The following AASDHPPT variants were observed in gnomAD, a reference collection of about 807,000 sequenced individuals.
AASDHPPT encodes L-aminoadipate-semialdehyde dehydrogenase-phosphopantetheinyl transferase.
AASDHPPT carries 23 observed loss-of-function variants against 36.4 expected under a neutral mutation model. The observed-to-expected ratio is 0.63, with a 90% CI of 0.45 to 0.89. AASDHPPT has a LOEUF of 0.89. Ranked by LOEUF, AASDHPPT falls within the 40% of genes least tolerant of loss-of-function variation. AASDHPPT has a pLI of 0.00. For synonymous variants in AASDHPPT, 115 were observed against 128.0 expected (o/e 0.90, Z 0.68); for missense variants, 377 against 378.2 (o/e 1.00, Z 0.03).
chr11:106,078,269 C>T (rs1861087200), intron 1 of AASDHPPT, among the ~76,000 whole-genome samples: 1 of 152,038 alleles, frequency 6.6e-6, no homozygotes, highest in Non-Finnish European at 1.5e-5. Flanking sequence ...CGTTCATAGC[C>T]TATGCTTATT....
At chr11:106,088,001 C>T (rs1274299093) in intron 2 of AASDHPPT, among the ~76,000 whole-genome samples, 1 of 152,134 alleles carries the variant, frequency 6.6e-6, no homozygotes, top group East Asian at 1.9e-4. Context: ...ACAATATTTG[C>T]CCACTGTATA....
intron 2 of AASDHPPT, among the ~76,000 whole-genome samples, chr11:106,089,968 A>G (rs1861238424): frequency 6.6e-6 from 1 of 152,040 alleles, no homozygotes; most frequent in Non-Finnish European, 1.5e-5. Flanking sequence ...ATATTAGAAA[A>G]CAAGTTGGAA....
intron 2 of AASDHPPT, chr11:106,086,318 T>G (rs1452577532): frequency 2.6e-5 from 4 of 152,216 alleles, no homozygotes; most frequent in Admixed American, 2.6e-4. Context: ...CACTCCAATT[T>G]TTGCCTTCAC....
chr11:106,085,813 C>T (rs1861191511), intron 2 of AASDHPPT, among the ~76,000 whole-genome samples: 1 of 152,204 alleles, frequency 6.6e-6, no homozygotes, highest in Non-Finnish European at 1.5e-5. Context: ...GTTTGAGAAA[C>T]AGCCATAGAG....
At chr11:106,087,081 A>G (rs1257039081) in intron 2 of AASDHPPT, among the ~76,000 whole-genome samples, 2 of 152,186 alleles carry the variant, frequency 1.3e-5, no homozygotes, top group African/African-American at 4.8e-5. Flanking sequence ...TGTAAGAGCA[A>G]CTGAAGTTTA....
intron 2 of AASDHPPT, among the ~76,000 whole-genome samples, chr11:106,088,926 T>A (rs1861227287): frequency 6.6e-6 from 1 of 152,064 alleles, no homozygotes; most frequent in African/African-American, 2.4e-5. Flanking sequence ...GAGACTATTT[T>A]GACTCTTGAA....
Position 106,079,697 on chromosome 11 carries a change from C to T in AASDHPPT, c.409+5C>T, listed in dbSNP as rs781770469. The T allele has an allele frequency of 5.0e-6, 8 of 1,612,902 alleles. No individual in the cohort carries two copies. Among genetic ancestry groups the T allele is most frequent in the Admixed American group, 3.3e-5 (2 of 59,958 alleles). On this transcript the variant is annotated splice_donor_5th_base_variant and intron_variant, in intron 2 of 5. Coordinates refer to ENST00000278618, the MANE Select transcript of AASDHPPT (RefSeq NM_015423.3). ...TAATGAAGACTAGTTTTCCAGGTAA[C>T]GTTGCATTTTTCTAGTATGGCAGTT... is the stretch of plus-strand genomic sequence containing the variant.
rs1861329399 is a variant in AASDHPPT at position 106,097,572 on chromosome 11, GGCTATTC to G, written c.*666_*672del. On this transcript the variant is annotated 3_prime_UTR_variant, in exon 6 of 6. Coordinates refer to ENST00000278618, the MANE Select transcript of AASDHPPT (RefSeq NM_015423.3). ...ACCTCAGTTGGTTTGTTTTGCCTTA[GGCTATTC>G]CACCTCTCGATCACAAGAGCTGCTG... is the stretch of plus-strand genomic sequence containing the variant. 6.6e-6 allele frequency: 1 copy of G among 152,060 alleles called. No homozygotes were observed. Among genetic ancestry groups the G allele is most frequent in the South Asian group, 2.1e-4 (1 of 4,830 alleles). 9.4% of individuals were successfully genotyped at this position (152,060 alleles called of 1,614,324 possible). A position where few individuals can be genotyped will look rare whatever the true frequency, so the allele number is the denominator to read the frequency against.
At chr11:106,087,404 A>T (rs1861207949) in intron 2 of AASDHPPT, among the ~76,000 whole-genome samples, 1 of 152,168 alleles carries the variant, frequency 6.6e-6, no homozygotes, top group South Asian at 2.1e-4. Context: ...ACAGTTTAGT[A>T]CTTAGAAAGT....
Position 106,096,745 on chromosome 11 carries a change from T to C in AASDHPPT, c.768T>C (p.Val256=). The change falls in exon 6 of 6, where the codon GTT becomes GTC. Residue 256 remains valine (V), a splice_region_variant and synonymous_variant. Coordinates refer to ENST00000278618, the MANE Select transcript of AASDHPPT (RefSeq NM_015423.3). ...GGTAATCTGCTTTTGTCTTTTAGGT[T>C]CCATCTCAGGATGATTCCAAACCAA... is the stretch of plus-strand genomic sequence containing the variant. The part of the protein sequence containing the change: ...RKPDGSRHQD[V]PSQDDSKPTQ... 6.4e-7 allele frequency: 1 copy of C among 1,573,346 alleles called. No individual in the cohort carries two copies. Among genetic ancestry groups the C allele is most frequent in the East Asian group, 2.3e-5 (1 of 43,478 alleles).
rs1211398136 is a variant in AASDHPPT, at chr11:106,097,116, A to C, written c.*209A>C. 1 of 448,372 alleles carries C rather than the reference A, an allele frequency of 2.2e-6. No individual in the cohort carries two copies. The highest frequency in any genetic ancestry group is 3.8e-6 in the Non-Finnish European group (1 of 261,270). 27.8% of individuals were successfully genotyped at this position (448,372 alleles called of 1,614,324 possible). A position where few individuals can be genotyped will look rare whatever the true frequency, so the allele number is the denominator to read the frequency against. On this transcript the variant is annotated 3_prime_UTR_variant, in exon 6 of 6. Transcript: ENST00000278618. ...CCTCTTTCTTTCCTAAATTGCATTG[A>C]ATTGATAGGAAGGATGGCGGAATCT... is the stretch of plus-strand genomic sequence containing the variant.
intron 2 of AASDHPPT, among the ~76,000 whole-genome samples, chr11:106,081,845 C>T (rs967071809): frequency 2.0e-5 from 3 of 149,116 alleles, no homozygotes; most frequent in Admixed American, 6.7e-5. Context: ...ACATCACACT[C>T]TGGGGACTGT....
intron 2 of AASDHPPT, among the ~76,000 whole-genome samples, chr11:106,082,201 A>C (rs1481631132): frequency 6.6e-6 from 1 of 152,112 alleles, no homozygotes; most frequent in African/African-American, 2.4e-5. Flanking sequence ...TGCTATGTCC[A>C]GTAACACAGA....
intron 3 of AASDHPPT, among the ~76,000 whole-genome samples, 200 bp from the exon 4 acceptor site, chr11:106,091,116 G>A (rs1020740939): frequency 6.6e-6 from 1 of 152,074 alleles, no homozygotes; most frequent in African/African-American, 2.4e-5. Flanking sequence ...GGGGATACAG[G>A]CACGGAGAGC....
Position 106,096,816 on chromosome 11 carries a change from C to A in AASDHPPT, c.839C>A (p.Ser280Tyr), listed in dbSNP as rs781229457. ...CTCAACTTTAATGATTTAATGTCAT[C>A]TGCCGTTCCCATGACACCTGAAGAT... The part of the protein sequence containing the change: ...TILNFNDLMS[S>Y]AVPMTPEDPS... Residue 280 changes from serine (S) to tyrosine (Y), a missense_variant, in exon 6 of 6, where the codon TCT (serine) becomes TAT (tyrosine). Physicochemically the swap from Ser to Tyr is moderately radical, Grantham distance 144. Transcript: ENST00000278618. The A allele has an allele frequency of 6.2e-7, 1 of 1,611,154 alleles. No homozygotes were observed. The highest frequency in any genetic ancestry group is 8.5e-7 in the Non-Finnish European group (1 of 1,178,364).
intron 2 of AASDHPPT, among the ~76,000 whole-genome samples, chr11:106,088,484 T>C (rs777214989): frequency 7.9e-5 from 12 of 152,132 alleles, no homozygotes; most frequent in Non-Finnish European, 1.5e-4. Flanking sequence ...CTCCCATTAT[T>C]GTTACATATG....
At chr11:106,080,460 G>T (rs1401708720) in intron 2 of AASDHPPT, among the ~76,000 whole-genome samples, 2 of 152,126 alleles carry the variant, frequency 1.3e-5, no homozygotes, top group African/African-American at 4.8e-5. Context: ...GTTAGTGGTG[G>T]CTTTAAGGAC....
chr11:106,093,534 A>G (rs1395770214), intron 4 of AASDHPPT: 1 of 152,142 alleles, frequency 6.6e-6, no homozygotes, highest in African/African-American at 2.4e-5. Flanking sequence ...TCCTCTTTAA[A>G]CATATCTTAA....
intron 2 of AASDHPPT, among the ~76,000 whole-genome samples, chr11:106,085,625 T>G (rs1861190017): frequency 6.6e-6 from 1 of 152,218 alleles, no homozygotes; most frequent in African/African-American, 2.4e-5. Context: ...GGAAAACCAC[T>G]TAAGCCTTAC....
Sources: gnomAD v4.1 joint callset for allele counts (sites outside exome capture counted in the v4.1 genomes callset) on GRCh38, gnomAD v4.1.1 for gene constraint, MANE v1.5 for transcripts, NCBI Gene and HGNC (gene_info 2026-07-23, HGNC 2026-07-21) for gene names.